Variants in MVK observed in about 807,000 individuals in gnomAD.
MVK encodes the protein LH receptor mRNA-binding protein.
In MVK, 34 loss-of-function variants were observed where a neutral mutation model predicts 43.2. That is an observed-to-expected ratio of 0.79 (90% CI 0.60 to 1.05). The LOEUF (loss-of-function observed/expected upper bound fraction) is 1.05, where lower values mean the gene tolerates loss of function less well. Among genes scored for constraint, MVK ranks in the 50% least tolerant of loss-of-function variants. The pLI, the probability that MVK is intolerant of heterozygous loss-of-function variation, is 0.00. For synonymous variants in MVK, 190 were observed against 219.8 expected (o/e 0.86, Z 1.20); for missense variants, 395 against 504.0 (o/e 0.78, Z 2.07).
At position 109,591,138 on chromosome 12, in the gene MVK, C is replaced by T. The variant is rs104895351; in HGVS notation, c.769-103C>T. ...AGGTGGTTTCCCCAGAGGATGGGCA[C>T]GGGCTGTGTGAACACCTCCTCCCTC... On this transcript the variant is annotated intron_variant, in intron 8 of 10. Transcript: ENST00000228510. 21 of 1,163,990 alleles carry T rather than the reference C, an allele frequency of 1.8e-5. No homozygotes were observed. The highest frequency in any genetic ancestry group is 1.4e-4 in the East Asian group (6 of 42,760). 72.1% of individuals were successfully genotyped at this position (1,163,990 alleles called of 1,614,324 possible).
At chr12:109,579,336 C>T (rs1593015034) in intron 3 of MVK, 3 of 359,790 alleles carry the variant, frequency 8.3e-6, no homozygotes, top group African/African-American at 2.1e-5. Context: ...GTTGGGGTTT[C>T]GCCATGTTAC....
chr12:109,579,166 G>A (rs1263750359), intron 3 of MVK: 2 of 410,966 alleles, frequency 4.9e-6, no homozygotes, highest in Admixed American at 2.9e-5. Context: ...TTGAGACAGG[G>A]TCTCACTCTG....
upstream of MVK, chr12:109,573,628 T>C (rs1884765404): frequency 1.1e-6 from 1 of 933,338 alleles, no homozygotes; most frequent in African/African-American, 1.6e-5. Flanking sequence ...TCCCAGGGAC[T>C]TGTTTCCCAT....
At position 109,581,464 on chromosome 12, in the gene MVK, C is replaced by T. The variant is rs138342076; in HGVS notation, c.441C>T (p.Ala147=). 7.7e-4 allele frequency: 1,243 copies of T among 1,614,168 alleles called. No homozygotes were observed. The highest frequency in any genetic ancestry group is 8.9e-4 in the Non-Finnish European group (1,052 of 1,180,022). Residue 147 remains alanine (A), a synonymous_variant, in exon 5 of 11, where the codon GCC becomes GCT. Coordinates refer to ENST00000228510, the MANE Select transcript of MVK (RefSeq NM_000431.4). Reference sequence around the variant, plus strand: ...CCGGGGCGGGCTTGGGCTCCAGCGCCGCCTACTCGGTGTGTCTGGCAGCAG... The same window carrying T: ...CCGGGGCGGGCTTGGGCTCCAGCGCTGCCTACTCGGTGTGTCTGGCAGCAG... ...LPPGAGLGSS[A]AYSVCLAAAL... is the part of the protein sequence containing the mutation.
In MVK at chr12:109,596,610, T is replaced by C. The variant is rs773100136; in HGVS notation, c.*33T>C. 5.3e-5 allele frequency: 84 copies of C among 1,596,404 alleles called. No individual in the cohort carries two copies. The highest frequency in any genetic ancestry group is 1.7e-6 in the Non-Finnish European group (2 of 1,175,888). ...CCACGACACTGCAGCCCCACCCAGA[T>C]GCCCCTTTCTGGATTATTCTGGGGG... On this transcript the variant is annotated 3_prime_UTR_variant, in exon 11 of 11. Transcript: ENST00000228510.
intron 5 of MVK, 23 bp downstream of exon 5, chr12:109,581,573 C>T: frequency 6.2e-7 from 1 of 1,614,164 alleles, no homozygotes; most frequent in Non-Finnish European, 8.5e-7. Context: ...CTTACCTGGC[C>T]AGTGTCCCTC....
At chr12:109,573,680 T>C, upstream of MVK, 1 of 676,046 alleles carries the variant, frequency 1.5e-6, no homozygotes, top group South Asian at 1.7e-5. Context: ...CCGTGTCGGC[T>C]TGGCTGCAAC....
Position 109,595,086 on chromosome 12 carries a change from T to C in MVK, c.944T>C (p.Leu315Pro). The stretch of plus-strand genomic sequence containing the variant: ...GCCCTCGGCGTGGGCCACGCCTCTC[T>C]GGACCAGCTCTGCCAGGTGACCAGG... ...LNALGVGHAS[L>P]DQLCQVTRAR... The change falls in exon 10 of 11, where the codon CTG (leucine) becomes CCG (proline). Residue 315 changes from leucine (L) to proline (P), a missense_variant. Coordinates refer to ENST00000228510, the MANE Select transcript of MVK (RefSeq NM_000431.4). This position sits in a 1 kb window ranked among gnomAD's most constrained non-coding sequence, Gnocchi z 5.9. 1 of 1,614,208 alleles carries C rather than the reference T, an allele frequency of 6.2e-7. No individual in the cohort carries two copies. Among genetic ancestry groups the C allele is most frequent in the Non-Finnish European group, 8.5e-7 (1 of 1,180,044 alleles).
At chr12:109,596,169 G>A (rs577024590) in intron 10 of MVK, among the ~76,000 whole-genome samples, 2 of 152,360 alleles carry the variant, frequency 1.3e-5, no homozygotes, top group East Asian at 3.9e-4. Flanking sequence ...CACACGGCCA[G>A]TACAAGGCAA....
intron 7 of MVK, chr12:109,590,106 C>T (rs1158225217): frequency 1.2e-5 from 2 of 163,836 alleles, no homozygotes; most frequent in Non-Finnish European, 2.7e-5. Flanking sequence ...TGGGGACCAT[C>T]CTCCTCTGCA....
chr12:109,573,669 C>G (rs878914683), upstream of MVK: 121 of 710,944 alleles, frequency 1.7e-4, no homozygotes, highest in South Asian at 1.8e-3. Flanking sequence ...GGCGGGAAAA[C>G]CCGTGTCGGC....
At chr12:109,576,280 T>G in intron 3 of MVK, 135 bp downstream of exon 3, 1 of 1,087,514 alleles carries the variant, frequency 9.2e-7, no homozygotes, top group South Asian at 1.4e-5. Flanking sequence ...CTCATAAAAT[T>G]AGCTTCACTC....
chr12:109,574,936 C>G, intron 2 of MVK, 36 bp downstream of exon 2: 1 of 1,572,156 alleles, frequency 6.4e-7, no homozygotes, highest in East Asian at 2.3e-5. Context: ...GATTGGGTAC[C>G]CCTTCTCCCT....
intron 7 of MVK, chr12:109,587,050 G>A: frequency 1.9e-6 from 1 of 528,150 alleles, no homozygotes; most frequent in South Asian, 2.0e-5. Flanking sequence ...TGTGCCCGTA[G>A]ACTCTCAGCT....
upstream of MVK, chr12:109,573,522 G>A (rs781570956): frequency 3.8e-6 from 6 of 1,570,576 alleles, no homozygotes; most frequent in Non-Finnish European, 5.2e-6. Flanking sequence ...CCAGGTTCCC[G>A]TCCAGTCCGC....
intron 4 of MVK, 48 bp downstream of exon 4, chr12:109,579,994 G>T (rs1285277161): frequency 6.2e-7 from 1 of 1,612,618 alleles, no homozygotes; most frequent in Non-Finnish European, 8.5e-7. Context: ...CTCCCATGGA[G>T]AAAAAGGAAG....
In MVK at chr12:109,586,085, C is replaced by T. The variant is rs104895329; in HGVS notation, c.591C>T (p.His197=). The change falls in exon 6 of 11, where the codon CAC becomes CAT. Residue 197 remains histidine, a synonymous_variant. Coordinates refer to ENST00000228510, the MANE Select transcript of MVK (RefSeq NM_000431.4). ...CCTTCCAAGGGGAGAGAATGATTCA[C>T]GGGAACCCCTCCGGAGTGGACAATG... The part of the protein sequence containing the change: ...KWAFQGERMI[H]GNPSGVDNAV... 238 of 1,614,174 alleles carry T rather than the reference C, an allele frequency of 1.5e-4. No homozygotes were observed. Among genetic ancestry groups the T allele is most frequent in the Admixed American group, 1.8e-4 (11 of 60,026 alleles).
intron 3 of MVK, among the ~76,000 whole-genome samples, chr12:109,577,601 G>A (rs553367105): frequency 6.6e-6 from 1 of 152,302 alleles, no homozygotes; most frequent in South Asian, 2.1e-4. Flanking sequence ...ACAGGTGAGA[G>A]CCACTGTGCC....
At position 109,597,843 on chromosome 12, in the gene MVK, G is replaced by GA. The variant is rs1455951002; in HGVS notation, c.*1269dup. Reference sequence around the variant, plus strand: ...CGGCGCAGGGATTTCAGGATGAGGTGAAAGCGATTCAGTGCGCGTCTGCCC... The same window carrying GA: ...CGGCGCAGGGATTTCAGGATGAGGTGAAAAGCGATTCAGTGCGCGTCTGCCC... On this transcript the variant is annotated 3_prime_UTR_variant, in exon 11 of 11. Coordinates refer to ENST00000228510, the MANE Select transcript of MVK (RefSeq NM_000431.4). 1 of 152,196 alleles carries GA rather than the reference G, an allele frequency of 6.6e-6. No individual in the cohort carries two copies. Among genetic ancestry groups the GA allele is most frequent in the Non-Finnish European group, 1.5e-5 (1 of 68,068 alleles). 9.4% of individuals were successfully genotyped at this position (152,196 alleles called of 1,614,324 possible). A position where few individuals can be genotyped will look rare whatever the true frequency, so the allele number is the denominator to read the frequency against.
Sources: allele counts gnomAD v4.1 joint callset (sites outside exome capture counted in the v4.1 genomes callset), GRCh38; gene constraint gnomAD v4.1.1; non-coding constraint Gnocchi (gnomAD v3.1); transcripts MANE v1.5; gene names NCBI Gene and HGNC (gene_info 2026-07-23, HGNC 2026-07-21).